The following G2E3 variants were observed in gnomAD, a reference collection of about 807,000 sequenced individuals.
G2E3 encodes G2/M phase-specific E3 ubiquitin-protein ligase.
A neutral mutation model predicts 92.8 loss-of-function variants in G2E3; 35 were observed. The observed-to-expected ratio is 0.38, with a 90% CI of 0.29 to 0.50. G2E3 has a LOEUF of 0.50. G2E3 is among the 20% of genes least tolerant of loss of function. G2E3 has a pLI of 0.94. For missense variants in G2E3, 554 were observed against 823.8 expected (o/e 0.67, Z 4.01); for synonymous variants, 242 against 272.4 (o/e 0.89, Z 1.10).
chr14:30,585,430 A>G (rs972838527), intron 2 of G2E3, among the ~76,000 whole-genome samples: 11 of 152,146 alleles, frequency 7.2e-5, no homozygotes, highest in African/African-American at 2.4e-4. Flanking sequence ...TCACCATTGA[A>G]TGGTCTTGGC....
chr14:30,563,695 TTGTGTG>T (rs56029424), intron 1 of G2E3, among the ~76,000 whole-genome samples: 7,072 of 141,172 alleles, frequency 0.05, 179 homozygotes, highest in Non-Finnish European at 0.057. Context: ...TTTGTTACTT[TTGTGTG>T]TGTGTGTGTG....
intron 14 of G2E3, 58 bp from the exon 15 acceptor site, chr14:30,616,220 A>G (rs1882307024): frequency 3.7e-6 from 4 of 1,092,658 alleles, no homozygotes; most frequent in East Asian, 2.4e-5. Context: ...GATGATAGCA[A>G]TATATAACAT....
rs533122666 is a variant in G2E3 at position 30,600,292 on chromosome 14, A to G, written c.753-1478A>G. Among the ~76,000 whole-genome samples the G allele has an allele frequency of 8.5e-5, 13 of 152,072 alleles. No individual in the cohort carries two copies. The South Asian group carries it at 2.5e-3, about 29-fold the overall frequency. ...CAGCTCTCCTCATTCCTGATTCCCTACTCTGGGCTAGGGGTTCCCTTCATT... is the reference window on the plus strand; with the variant it reads ...CAGCTCTCCTCATTCCTGATTCCCTGCTCTGGGCTAGGGGTTCCCTTCATT... On this transcript the variant is annotated intron_variant, in intron 8 of 14. Transcript: ENST00000206595.
intron 1 of G2E3, among the ~76,000 whole-genome samples, chr14:30,577,473 T>C (rs1203667392): frequency 6.6e-6 from 1 of 152,170 alleles, no homozygotes; most frequent in Non-Finnish European, 1.5e-5. Context: ...CTTAGGGTCT[T>C]GTATGAAGTT....
intron 3 of G2E3, among the ~76,000 whole-genome samples, chr14:30,588,362 TAAC>T (rs1425557819): frequency 1.3e-5 from 2 of 152,138 alleles, no homozygotes; most frequent in Non-Finnish European, 2.9e-5. Context: ...TATGTTTTCA[TAAC>T]AAATTCTTAG....
intron 13 of G2E3, among the ~76,000 whole-genome samples, chr14:30,614,394 G>C (rs1882223764): frequency 6.6e-6 from 1 of 152,218 alleles, no homozygotes. Flanking sequence ...GAGCTGTCTT[G>C]CTGTGTCATA....
intron 12 of G2E3, chr14:30,611,653 CTTTT>C (rs956068561): frequency 8.6e-5 from 13 of 151,146 alleles, no homozygotes; most frequent in African/African-American, 3.2e-4. Context: ...TAACTTTTCT[CTTTT>C]TTTTTCTTTT....
chr14:30,580,732 G>A (rs1880385209), intron 1 of G2E3: 1 of 179,020 alleles, frequency 5.6e-6, no homozygotes, highest in Non-Finnish European at 1.2e-5. Flanking sequence ...TAACCTACTT[G>A]AATGTCCAGA....
chr14:30,607,867 T>C (rs200400212), intron 11 of G2E3, 21 bp from the exon 12 acceptor site: 42 of 1,384,760 alleles, frequency 3.0e-5, no homozygotes, highest in Non-Finnish European at 4.1e-5. Context: ...GTATTTGATA[T>C]ATTTTCATCT....
chr14:30,576,014 G>T (rs1465495391), intron 1 of G2E3, among the ~76,000 whole-genome samples: 1 of 152,084 alleles, frequency 6.6e-6, no homozygotes, highest in Non-Finnish European at 1.5e-5. Context: ...ACTAGAAAAA[G>T]CTATTTTAAA....
intron 2 of G2E3, among the ~76,000 whole-genome samples, chr14:30,583,826 C>CA (rs1880562836): frequency 6.6e-6 from 1 of 152,282 alleles, no homozygotes; most frequent in South Asian, 2.1e-4. Context: ...TCTGACTCTT[C>CA]AAGTTGTATT....
chr14:30,575,406 C>T (rs560598537), intron 1 of G2E3, among the ~76,000 whole-genome samples: 2 of 152,142 alleles, frequency 1.3e-5, no homozygotes, highest in South Asian at 4.2e-4. Flanking sequence ...TATGACAAAC[C>T]CACAGCCAAC....
At chr14:30,599,626 TTCAGCCCATAG>T (rs1881466413) in intron 8 of G2E3, among the ~76,000 whole-genome samples, 1 of 152,172 alleles carries the variant, frequency 6.6e-6, no homozygotes, top group South Asian at 2.1e-4. Context: ...AGAGACACAT[TTCAGCCCATAG>T]TCATATTATT....
At position 30,567,123 on chromosome 14, in the gene G2E3, G is replaced by T. The variant is rs76421995; in HGVS notation, c.-5+7851G>T. On this transcript the variant is annotated intron_variant, in intron 1 of 14. Coordinates refer to ENST00000206595, the MANE Select transcript of G2E3 (RefSeq NM_017769.5). ...GCATCTATGTTCATAAGAGATAATT[G>T]GCTTGTAGTTTTATTTTCTGTGATG... Among the ~76,000 whole-genome samples, 417 of 152,238 alleles carry T rather than the reference G, an allele frequency of 2.7e-3. 1 individual carries two copies. The highest frequency in any genetic ancestry group is 9.6e-3 in the African/African-American group (400 of 41,570).
intron 8 of G2E3, among the ~76,000 whole-genome samples, chr14:30,599,153 T>C (rs1881436633): frequency 6.6e-6 from 1 of 152,166 alleles, no homozygotes; most frequent in South Asian, 2.1e-4. Context: ...CTAATCTCTT[T>C]TATTTTTATA....
In G2E3 at chr14:30,577,431, G is replaced by T. The variant is rs114521880; in HGVS notation, c.-4-3645G>T. ...TTACTGATAGTTTCTGTTGATCAGG[G>T]ATTTGGGAGCTGCTTAGCTGTGTGG... On this transcript the variant is annotated intron_variant, in intron 1 of 14. Coordinates refer to ENST00000206595, the MANE Select transcript of G2E3 (RefSeq NM_017769.5). Among the ~76,000 whole-genome samples, 756 of 152,220 alleles carry T rather than the reference G, an allele frequency of 5.0e-3. 7 individuals are homozygous for T. The highest frequency in any genetic ancestry group is 0.018 in the African/African-American group (731 of 41,532).
chr14:30,566,752 AGTGT>A (rs1879463755), intron 1 of G2E3, among the ~76,000 whole-genome samples: 1 of 152,156 alleles, frequency 6.6e-6, no homozygotes, highest in South Asian at 2.1e-4. Context: ...AAGTGGTGGA[AGTGT>A]GTATCTTTGT....
intron 11 of G2E3, 98 bp from the exon 12 acceptor site, chr14:30,607,790 C>T (rs1859704898): frequency 1.8e-6 from 1 of 570,546 alleles, no homozygotes; most frequent in South Asian, 2.7e-5. Context: ...TTATATTTAT[C>T]TAATGCTTAG....
chr14:30,618,417 A>T lies in G2E3; in HGVS notation c.*1883A>T, dbSNP rs1336319884. On this transcript the variant is annotated 3_prime_UTR_variant, in exon 15 of 15. Transcript: ENST00000206595. The stretch of plus-strand genomic sequence containing the variant: ...GCTAAAAACCAATACAAACCAATAA[A>T]ACCTAGTTAAAGCTATTTTCTGGTT... The T allele has an allele frequency of 6.6e-6, 1 of 152,090 alleles. No individual in the cohort carries two copies. The highest frequency in any genetic ancestry group is 6.5e-5 in the Admixed American group (1 of 15,282). The allele number at this position is 152,090 out of a possible 1,614,324, so 9.4% of individuals were successfully genotyped here.
Sources: gnomAD v4.1 joint callset for allele counts (sites outside exome capture counted in the v4.1 genomes callset) on GRCh38, gnomAD v4.1.1 for gene constraint, MANE v1.5 for transcripts, NCBI Gene and HGNC (gene_info 2026-07-23, HGNC 2026-07-21) for gene names.